SLIT3: variants seen among roughly 807,000 people sequenced by gnomAD.
SLIT3 encodes slit guidance ligand 3.
SLIT3 carries 68 observed loss-of-function variants against 184.0 expected under a neutral mutation model. The ratio of observed to expected loss-of-function variants is 0.37; its 90% confidence interval spans 0.30 to 0.45. The LOEUF is 0.45. SLIT3 is among the 20% of genes least tolerant of loss of function. The pLI is 1.00. For missense variants in SLIT3, 1,707 were observed against 2,026.0 expected (o/e 0.84, Z 3.02); for synonymous variants, 831 against 828.6 (o/e 1.00, Z -0.05).
intron 4 of SLIT3, among the ~76,000 whole-genome samples, chr5:169,140,285 A>G (rs1761674998): frequency 7.3e-6 from 1 of 136,556 alleles, no homozygotes; most frequent in Admixed American, 7.4e-5. Flanking sequence ...CAACATGGTA[A>G]AACCCCGCCT....
At chr5:169,182,884 T>A (rs1201198217) in intron 4 of SLIT3, among the ~76,000 whole-genome samples, 2 of 152,186 alleles carry the variant, frequency 1.3e-5, no homozygotes, top group Non-Finnish European at 2.9e-5. Flanking sequence ...ACTATTTGAG[T>A]ACCCTTGGTG....
At chr5:168,823,009 C>A (rs567643220) in intron 7 of SLIT3, among the ~76,000 whole-genome samples, 1 of 152,298 alleles carries the variant, frequency 6.6e-6, no homozygotes, top group South Asian at 2.1e-4. Flanking sequence ...TCCCACAGTT[C>A]TAGGGTAAGA....
intron 20 of SLIT3, among the ~76,000 whole-genome samples, chr5:168,738,201 GC>G (rs1763497942): frequency 6.6e-6 from 1 of 152,134 alleles, no homozygotes; most frequent in Non-Finnish European, 1.5e-5. Flanking sequence ...TTTTCCTTTT[GC>G]CCTGTGTTGA....
chr5:168,785,168 T>C lies in SLIT3; in HGVS notation c.1151+739A>G, dbSNP rs114134286. 8.8e-3 allele frequency among the ~76,000 whole-genome samples: 1,332 copies of C among 152,186 alleles called. 6 individuals carry two copies. Among genetic ancestry groups the C allele is most frequent in the Admixed American group, 0.015 (222 of 15,292 alleles). On this transcript the variant is annotated intron_variant, in intron 12 of 35. Transcript: ENST00000519560. ...ACACACACACACACTCCCACACCCATAGTACATGTGTGTAGATGCTATAGC... is the reference window on the plus strand; with the variant it reads ...ACACACACACACACTCCCACACCCACAGTACATGTGTGTAGATGCTATAGC...
intron 18 of SLIT3, chr5:168,752,629 A>G (rs13162961): frequency 0.18 from 46,018 of 257,348 alleles, 4,463 homozygotes; most frequent in Middle Eastern, 0.24. Context: ...TCCTCACCTC[A>G]GGTGATCCAC....
rs183504847 is a variant in SLIT3, at chr5:168,715,748, C to T, written c.2484-3394G>A. ...AGTGCAGTGGCACGATCTTGGCCCA[C>T]TGCAACTTTTGCCTCTCCGGTTCAA... On this transcript the variant is annotated intron_variant, in intron 23 of 35. Transcript: ENST00000519560. Among the ~76,000 whole-genome samples the T allele has an allele frequency of 2.0e-5, 3 of 152,350 alleles. No homozygotes were observed. In the East Asian group the frequency reaches 5.8e-4, roughly 29 times the overall value.
chr5:169,249,920 C>T (rs1765715653), intron 2 of SLIT3, among the ~76,000 whole-genome samples: 1 of 152,224 alleles, frequency 6.6e-6, no homozygotes, highest in South Asian at 2.1e-4. Flanking sequence ...GCTGGAGTCC[C>T]AGGATTCAGA....
At chr5:169,252,705 G>C (rs989652214) in intron 1 of SLIT3, among the ~76,000 whole-genome samples, 1 of 152,056 alleles carries the variant, frequency 6.6e-6, no homozygotes, top group African/African-American at 2.4e-5. Flanking sequence ...TATATACTAA[G>C]AGCCATTTTT....
At chr5:168,681,709 G>T (rs1761597749) in intron 32 of SLIT3, among the ~76,000 whole-genome samples, 1 of 152,176 alleles carries the variant, frequency 6.6e-6, no homozygotes, top group African/African-American at 2.4e-5. Flanking sequence ...ACCCACACCA[G>T]CCTTCTACCA....
intron 5 of SLIT3, among the ~76,000 whole-genome samples, chr5:168,846,626 G>A (rs528968307): frequency 2.0e-5 from 3 of 152,236 alleles, no homozygotes; most frequent in South Asian, 2.1e-4. Context: ...TGCTGAATTC[G>A]GCAAAAATGG....
chr5:169,187,324 G>A (rs942116020), intron 4 of SLIT3, among the ~76,000 whole-genome samples: 3 of 151,798 alleles, frequency 2.0e-5, no homozygotes, highest in Non-Finnish European at 4.4e-5. Context: ...TGTTGGCCAG[G>A]ATGGTCTCTA....
intron 5 of SLIT3, among the ~76,000 whole-genome samples, chr5:168,865,091 C>G (rs1759249206): frequency 6.9e-6 from 1 of 144,122 alleles, no homozygotes; most frequent in Admixed American, 7.2e-5. Context: ...TCAATTGAAC[C>G]TGGGAGGCGA....
At chr5:168,781,251 A>C (rs1755960720) in intron 12 of SLIT3, among the ~76,000 whole-genome samples, 1 of 152,230 alleles carries the variant, frequency 6.6e-6, no homozygotes, top group South Asian at 2.1e-4. Context: ...CCTAGAGACC[A>C]GAGAGGGAGA....
intron 5 of SLIT3, among the ~76,000 whole-genome samples, chr5:168,849,132 A>G (rs1758586253): frequency 6.6e-6 from 1 of 152,226 alleles, no homozygotes; most frequent in Admixed American, 6.5e-5. Flanking sequence ...GAAAATAGAT[A>G]TCTTCAGAAA....
intron 4 of SLIT3, among the ~76,000 whole-genome samples, chr5:169,085,284 G>A (rs551229942): frequency 6.6e-6 from 1 of 152,274 alleles, no homozygotes; most frequent in East Asian, 1.9e-4. Context: ...GAGAACGGCT[G>A]GTCCAATTTC....
intron 1 of SLIT3, among the ~76,000 whole-genome samples, chr5:169,296,496 C>T (rs971831163): frequency 6.6e-6 from 1 of 152,152 alleles, no homozygotes; most frequent in Non-Finnish European, 1.5e-5. Context: ...ACTGTGTTTC[C>T]CTAAAAGGCC....
rs58650086 is a variant in SLIT3 at position 169,042,388 on chromosome 5, C to T, written c.413+151091G>A. On this transcript the variant is annotated intron_variant, in intron 4 of 35. Coordinates refer to ENST00000519560, the MANE Select transcript of SLIT3 (RefSeq NM_003062.4). ...AGTCCTCAGTTGCATTATTTAAAAA[C>T]TGCTTTGGACTGACCAACTAATTTC... Among the ~76,000 whole-genome samples, 352 of 152,306 alleles carry T rather than the reference C, an allele frequency of 2.3e-3. 3 individuals carry two copies. The highest frequency in any genetic ancestry group is 7.8e-3 in the African/African-American group (325 of 41,564).
At chr5:168,956,319 TTAAGG>T (rs1262028462) in intron 4 of SLIT3, among the ~76,000 whole-genome samples, 5 of 152,082 alleles carry the variant, frequency 3.3e-5, no homozygotes, top group South Asian at 4.2e-4. Flanking sequence ...TACTAGAAAG[TTAAGG>T]TAAAGATGTT....
chr5:169,216,345 C>G (rs1466604749), intron 3 of SLIT3, among the ~76,000 whole-genome samples: 1 of 152,234 alleles, frequency 6.6e-6, no homozygotes, highest in Admixed American at 6.5e-5. Flanking sequence ...ACCCTTTGAG[C>G]TCCATTCCGT....
Sources: gnomAD v4.1 joint callset for allele counts (sites outside exome capture counted in the v4.1 genomes callset) on GRCh38, gnomAD v4.1.1 for gene constraint, MANE v1.5 for transcripts, NCBI Gene and HGNC (gene_info 2026-07-23, HGNC 2026-07-21) for gene names.